Variants in EFHD1 observed in about 807,000 individuals in gnomAD.
The protein encoded by EFHD1 is EF-hand domain-containing protein D1.
In EFHD1, 10 loss-of-function variants were observed where a neutral mutation model predicts 17.2. The observed-to-expected ratio is 0.58, with a 90% confidence interval of 0.36 to 0.99. The LOEUF is 0.99. EFHD1 is among the 50% of genes least tolerant of loss of function. The pLI, the probability that EFHD1 is intolerant of heterozygous loss-of-function variation, is 0.01. For synonymous variants in EFHD1, 153 were observed against 142.0 expected, an observed-to-expected ratio of 1.08 and a Z score of -0.55; for missense variants, 310 against 327.5, an observed-to-expected ratio of 0.95 and a Z score of 0.41.
chr2:232,664,504 G>A (rs1694933892), intron 2 of EFHD1, among the ~76,000 whole-genome samples: 1 of 151,400 alleles, frequency 6.6e-6, no homozygotes, highest in Non-Finnish European at 1.5e-5. Context: ...TCACTTTGTT[G>A]CCCAGGCTGG....
intron 1 of EFHD1, among the ~76,000 whole-genome samples, chr2:232,615,749 G>A (rs1392129000): frequency 7.2e-6 from 1 of 138,780 alleles, no homozygotes; most frequent in Non-Finnish European, 1.5e-5. Flanking sequence ...GTGCAATGGT[G>A]CAATCTCAGC....
exon 1 of EFHD1, chr2:232,606,168 G>A (rs766930714): frequency 1.3e-6 from 2 of 1,546,652 alleles, no homozygotes; most frequent in South Asian, 1.2e-5. Context: ...CGATGGGAGA[G>A]TTGCAGTAAG....
rs1361301284 is a variant in EFHD1, at chr2:232,615,328, T to TGTGTGA, written c.14+9160_14+9161insAGTGTG. ...GTCAACTATAGTGTGTGTGTGTGTG[T>TGTGTGA]GTGTGTGTGTGTGTGTGTGTGTGTA... On this transcript the variant is annotated intron_variant, in intron 1 of 3. Transcript: ENST00000409613. Among the ~76,000 whole-genome samples the TGTGTGA allele has an allele frequency of 3.1e-4, 42 of 135,490 alleles. 1 individual carries two copies. The highest frequency in any genetic ancestry group is 9.0e-4 in the African/African-American group (36 of 40,002). The allele number at this position is 135,490 out of a possible 152,430, so 88.9% of individuals were successfully genotyped here.
intron 2 of EFHD1, among the ~76,000 whole-genome samples, chr2:232,672,025 C>T (rs1387431123): frequency 6.6e-6 from 1 of 151,324 alleles, no homozygotes; most frequent in African/African-American, 2.4e-5. Flanking sequence ...CATTGCACTC[C>T]AGCCTGGGCA....
In EFHD1 at chr2:232,674,129, A is replaced by C. The variant is rs193027230; in HGVS notation, c.585+1686A>C. ...TCACGATATTGGCCATGCTGGTGTCAAACTCCTGACCTCGTGATCTGCCTG... is the reference window on the plus strand; with the variant it reads ...TCACGATATTGGCCATGCTGGTGTCCAACTCCTGACCTCGTGATCTGCCTG... On this transcript the variant is annotated intron_variant, in intron 3 of 3. Coordinates refer to ENST00000264059, the MANE Select transcript of EFHD1 (RefSeq NM_025202.4). Among the ~76,000 whole-genome samples the C allele has an allele frequency of 1.3e-3, 195 of 152,282 alleles. 1 individual carries two copies. The highest frequency in any genetic ancestry group is 4.5e-3 in the African/African-American group (187 of 41,560).
chr2:232,681,014 GGCAT>G (rs145224641), intron 3 of EFHD1, among the ~76,000 whole-genome samples: 10,997 of 151,908 alleles, frequency 0.072, 560 homozygotes, highest in African/African-American at 0.14. Context: ...AAATTAACCA[GGCAT>G]GGTGGCGTGC....
chr2:232,628,062 CATTT>C (rs1035599817), intron 1 of EFHD1, among the ~76,000 whole-genome samples: 1 of 152,002 alleles, frequency 6.6e-6, no homozygotes, highest in African/African-American at 2.4e-5. Flanking sequence ...TATTTATTTA[CATTT>C]ATTTATTTAT....
At chr2:232,613,727 C>T (rs1044309642) in intron 1 of EFHD1, among the ~76,000 whole-genome samples, 1 of 151,278 alleles carries the variant, frequency 6.6e-6, no homozygotes, top group African/African-American at 2.4e-5. Context: ...TATACACACA[C>T]ATATACGCAC....
chr2:232,669,601 GC>G (rs1695031520), intron 2 of EFHD1, among the ~76,000 whole-genome samples: 1 of 132,656 alleles, frequency 7.5e-6, no homozygotes, highest in African/African-American at 2.6e-5. Flanking sequence ...TTTTGAGAAG[GC>G]TTTTTTTTTT....
chr2:232,620,400 A>G (rs548503253), intron 1 of EFHD1, among the ~76,000 whole-genome samples: 2 of 151,548 alleles, frequency 1.3e-5, no homozygotes, highest in Non-Finnish European at 2.9e-5. Flanking sequence ...AAAAAAAAAA[A>G]AAAGAGACAG....
At chr2:232,631,707 C>CAAA (rs761585159), upstream of EFHD1, among the ~76,000 whole-genome samples, 3 of 121,462 alleles carry the variant, frequency 2.5e-5, no homozygotes, top group African/African-American at 9.4e-5. Context: ...AAAAAAAAAA[C>CAAA]AAAAACAAAA....
intron 1 of EFHD1, among the ~76,000 whole-genome samples, chr2:232,643,734 A>C (rs549584343): frequency 2.8e-4 from 42 of 152,164 alleles, no homozygotes; most frequent in African/African-American, 9.6e-4. Context: ...CCCAGGCTGG[A>C]GTGCAGTGGC....
chr2:232,635,987 G>C (rs1388709700), intron 1 of EFHD1, among the ~76,000 whole-genome samples: 1 of 152,156 alleles, frequency 6.6e-6, no homozygotes, highest in African/African-American at 2.4e-5. Context: ...AAACCAAAAA[G>C]CCATCACTAG....
intron 1 of EFHD1, among the ~76,000 whole-genome samples, chr2:232,612,255 T>TG (rs1233323039): frequency 6.6e-6 from 1 of 152,164 alleles, no homozygotes; most frequent in African/African-American, 2.4e-5. Flanking sequence ...TTCTCCCTCT[T>TG]TTGGATATTT....
chr2:232,673,126 T>C (rs1387543008), intron 3 of EFHD1, among the ~76,000 whole-genome samples: 1 of 152,124 alleles, frequency 6.6e-6, no homozygotes, highest in Non-Finnish European at 1.5e-5. Context: ...AAGATACAAC[T>C]CCTTTCTAAA....
At chr2:232,608,537 TG>T (rs1693759470) in intron 1 of EFHD1, among the ~76,000 whole-genome samples, 1 of 152,216 alleles carries the variant, frequency 6.6e-6, no homozygotes, top group Non-Finnish European at 1.5e-5. Flanking sequence ...TGAATATTTT[TG>T]ATCTATGGTT....
intron 1 of EFHD1, among the ~76,000 whole-genome samples, chr2:232,615,399 G>A (rs1693909675): frequency 6.7e-6 from 1 of 149,210 alleles, no homozygotes; most frequent in African/African-American, 2.5e-5. Context: ...CTGTATTTAC[G>A]CACCAGAGTA....
At chr2:232,618,086 C>T (rs1693959859) in intron 1 of EFHD1, among the ~76,000 whole-genome samples, 2 of 151,852 alleles carry the variant, frequency 1.3e-5, no homozygotes, top group Non-Finnish European at 2.9e-5. Context: ...GTGGCTTGAT[C>T]TCGGCTCACT....
At chr2:232,668,716 C>A (rs1436768692) in intron 2 of EFHD1, among the ~76,000 whole-genome samples, 3 of 152,156 alleles carry the variant, frequency 2.0e-5, no homozygotes, top group Non-Finnish European at 4.4e-5. Context: ...TCACTGCAAC[C>A]TCCACCCCTC....
Sources: allele counts gnomAD v4.1 joint callset (sites outside exome capture counted in the v4.1 genomes callset), GRCh38; gene constraint gnomAD v4.1.1; transcripts MANE v1.5; gene names NCBI Gene and HGNC (gene_info 2026-07-23, HGNC 2026-07-21).